P3H2: variants seen among roughly 807,000 people sequenced by gnomAD.
P3H2 encodes prolyl 3-hydroxylase 2, also known as leprecan-like 1.
P3H2 carries 80 observed loss-of-function variants against 87.0 expected under a neutral mutation model. That is an observed-to-expected ratio of 0.92 (90% confidence interval 0.77 to 1.11). The LOEUF (loss-of-function observed/expected upper bound fraction) is 1.11, where lower values mean the gene tolerates loss of function less well. Among genes scored for constraint, P3H2 ranks in the 50% least tolerant of loss-of-function variants. The pLI is 0.00. For synonymous variants in P3H2, 367 were observed against 359.3 expected (o/e 1.02, Z -0.24); for missense variants, 1,001 against 923.9 (o/e 1.08, Z -1.08).
intron 1 of P3H2, among the ~76,000 whole-genome samples, chr3:190,031,173 T>C (rs1725239309): frequency 1.3e-5 from 2 of 152,134 alleles, no homozygotes; most frequent in Non-Finnish European, 2.9e-5. Flanking sequence ...GACTAAAATA[T>C]ATGCAGATAT....
intron 1 of P3H2, among the ~76,000 whole-genome samples, chr3:190,095,661 C>A (rs553698871): frequency 1.2e-4 from 18 of 147,828 alleles, no homozygotes; most frequent in African/African-American, 4.5e-4. Flanking sequence ...AGTGCAGTGG[C>A]GTGATCTCGG....
intron 1 of P3H2, among the ~76,000 whole-genome samples, chr3:190,050,847 T>C (rs1032574030): frequency 2.0e-5 from 3 of 152,202 alleles, no homozygotes; most frequent in Non-Finnish European, 4.4e-5. Flanking sequence ...CTACCTATAC[T>C]AGTGACCTCC....
At chr3:190,054,170 C>T (rs985466640) in intron 1 of P3H2, among the ~76,000 whole-genome samples, 11 of 152,124 alleles carry the variant, frequency 7.2e-5, no homozygotes, top group Admixed American at 6.5e-4. Flanking sequence ...AACCCTCCAC[C>T]CCCACCTATA....
At chr3:189,984,273 G>A (rs1398881166) in intron 7 of P3H2, among the ~76,000 whole-genome samples, 2 of 151,824 alleles carry the variant, frequency 1.3e-5, no homozygotes, top group African/African-American at 4.8e-5. Flanking sequence ...TCTCAGATTC[G>A]GAATCATGGA....
intron 1 of P3H2, among the ~76,000 whole-genome samples, chr3:190,046,862 G>A (rs1414326672): frequency 1.3e-5 from 2 of 151,710 alleles, no homozygotes; most frequent in Non-Finnish European, 2.9e-5. Flanking sequence ...CAAAAGCTCA[G>A]GTAACCAAAA....
At chr3:189,986,705 G>C (rs1167609849) in intron 6 of P3H2, 83 bp downstream of exon 6, 45 of 1,016,854 alleles carry the variant, frequency 4.4e-5, no homozygotes, top group Non-Finnish European at 6.7e-5. Context: ...GAGGTAAATG[G>C]CAAAAATGGA....
chr3:190,070,054 T>C (rs1726647357), intron 1 of P3H2, among the ~76,000 whole-genome samples: 1 of 151,984 alleles, frequency 6.6e-6, no homozygotes, highest in African/African-American at 2.4e-5. Flanking sequence ...GCTGTGCTGA[T>C]GGCAATCACG....
intron 1 of P3H2, among the ~76,000 whole-genome samples, chr3:190,028,494 C>T (rs1725151759): frequency 6.6e-6 from 1 of 152,174 alleles, no homozygotes; most frequent in South Asian, 2.1e-4. Context: ...TAGAGGGGAA[C>T]TTGTCAAATA....
chr3:189,985,367 C>A (rs150425486), intron 6 of P3H2, among the ~76,000 whole-genome samples: 2 of 151,322 alleles, frequency 1.3e-5, no homozygotes, highest in Non-Finnish European at 3.0e-5. Context: ...TTATTTCATA[C>A]ATAATATATA....
intron 1 of P3H2, among the ~76,000 whole-genome samples, chr3:190,041,031 TATATATACAC>T (rs1239877328): frequency 0.024 from 1,245 of 51,610 alleles, 44 homozygotes; most frequent in African/African-American, 0.072. Flanking sequence ...TATATATATA[TATATATACAC>T]ACACACACAC....
At chr3:190,065,551 T>G (rs1726469334) in intron 1 of P3H2, among the ~76,000 whole-genome samples, 1 of 152,194 alleles carries the variant, frequency 6.6e-6, no homozygotes, top group African/African-American at 2.4e-5. Flanking sequence ...ATAGAGATTT[T>G]TTTTTCAGTA....
At chr3:190,046,119 T>A (rs1327230449) in intron 1 of P3H2, among the ~76,000 whole-genome samples, 1 of 64,448 alleles carries the variant, frequency 1.6e-5, no homozygotes, top group Non-Finnish European at 2.8e-5. Flanking sequence ...CAAGACTCCA[T>A]CTCAAAAAAA....
intron 1 of P3H2, among the ~76,000 whole-genome samples, chr3:190,107,849 T>C (rs2108520396): frequency 6.6e-6 from 1 of 152,338 alleles, no homozygotes; most frequent in East Asian, 1.9e-4. Context: ...AATTTATTCT[T>C]AAAACTGCCT....
At chr3:190,106,044 G>T (rs748643181) in intron 1 of P3H2, among the ~76,000 whole-genome samples, 6 of 152,118 alleles carry the variant, frequency 3.9e-5, no homozygotes, top group Non-Finnish European at 7.4e-5. Context: ...AAGAAATCAG[G>T]GTAGGAAGGA....
intron 1 of P3H2, among the ~76,000 whole-genome samples, chr3:190,071,436 A>G (rs1726693687): frequency 1.3e-5 from 2 of 152,254 alleles, no homozygotes; most frequent in African/African-American, 4.8e-5. Flanking sequence ...ATCAGCTTCC[A>G]TACTAATTCT....
intron 5 of P3H2, 41 bp downstream of exon 5, chr3:189,987,479 TAAAAAAA>T (rs551936985): frequency 5.7e-6 from 8 of 1,410,008 alleles, no homozygotes; most frequent in African/African-American, 3.2e-5. Context: ...AACTCTGTCT[TAAAAAAA>T]AAAAAAAAAA....
intron 13 of P3H2, among the ~76,000 whole-genome samples, chr3:189,966,318 C>T (rs1356734369): frequency 2.6e-5 from 4 of 152,150 alleles, no homozygotes; most frequent in African/African-American, 9.7e-5. Context: ...ATTACCAAGT[C>T]TTGGTAACAT....
intron 1 of P3H2, among the ~76,000 whole-genome samples, chr3:190,072,706 TATC>T (rs1478587649): frequency 2.0e-5 from 3 of 152,332 alleles, no homozygotes; most frequent in East Asian, 3.9e-4. Flanking sequence ...ATTTTGTAAG[TATC>T]ATTTTATTTT....
intron 1 of P3H2, among the ~76,000 whole-genome samples, chr3:190,001,917 A>G (rs1481067929): frequency 3.9e-5 from 6 of 152,228 alleles, no homozygotes; most frequent in Non-Finnish European, 8.8e-5. Flanking sequence ...TTAAAAGAAT[A>G]TTCTTAAAAT....
Sources: allele counts gnomAD v4.1 joint callset (sites outside exome capture counted in the v4.1 genomes callset), GRCh38; gene constraint gnomAD v4.1.1; transcripts MANE v1.5; gene names NCBI Gene and HGNC (gene_info 2026-07-23, HGNC 2026-07-21).